The following KIRREL3 variants were observed in gnomAD, a reference collection of about 807,000 sequenced individuals.
KIRREL3 encodes kin of IRRE-like protein 3.
Under a neutral mutation model 89.7 loss-of-function variants are expected in KIRREL3, and 36 were observed. That is an observed-to-expected ratio of 0.40 (90% CI 0.31 to 0.53). The LOEUF is 0.53. Ranked by LOEUF, KIRREL3 falls within the 20% of genes least tolerant of loss-of-function variation. The pLI is 0.49. For missense variants in KIRREL3, 864 were observed against 1,056.6 expected, an observed-to-expected ratio of 0.82 and a Z score of 2.53; for synonymous variants, 445 against 441.4, an observed-to-expected ratio of 1.01 and a Z score of -0.10.
At chr11:126,963,023 C>T (rs924896892) in intron 1 of KIRREL3, among the ~76,000 whole-genome samples, 9 of 152,108 alleles carry the variant, frequency 5.9e-5, no homozygotes, top group South Asian at 2.1e-4. Flanking sequence ...AACTTTTATA[C>T]GCACTGGGAA....
In KIRREL3 at chr11:126,778,710, G is replaced by A. The variant is rs186398868; in HGVS notation, c.56-215798C>T. On this transcript the variant is annotated intron_variant, in intron 1 of 16. Transcript: ENST00000525144. The surrounding 1 kb of genome is among the most constrained non-coding windows in gnomAD (Gnocchi z 4.5). ...AAAGGTGGTACCAACATACATTCCCGCTAGTAATGTTCAGAGAGTGCTATG... is the reference window on the plus strand; with the variant it reads ...AAAGGTGGTACCAACATACATTCCCACTAGTAATGTTCAGAGAGTGCTATG... Among the ~76,000 whole-genome samples, 2 of 152,234 alleles carry A rather than the reference G, an allele frequency of 1.3e-5. No homozygotes were observed. The highest frequency in any genetic ancestry group is 1.9e-4 in the East Asian group (1 of 5,170).
Position 126,652,008 on chromosome 11 carries a change from G to A in KIRREL3, c.56-89096C>T, listed in dbSNP as rs970558172. On this transcript the variant is annotated intron_variant, in intron 1 of 16. Transcript: ENST00000525144. The surrounding 1 kb of genome is among the most constrained non-coding windows in gnomAD (Gnocchi z 4.9). Reference sequence around the variant, plus strand: ...TAAGTCATTATGCCAATGGGAGAATGAGGCAAAAAGCGGAGTTCATCCTTG... The same window carrying A: ...TAAGTCATTATGCCAATGGGAGAATAAGGCAAAAAGCGGAGTTCATCCTTG... Among the ~76,000 whole-genome samples, 2 of 152,154 alleles carry A rather than the reference G, an allele frequency of 1.3e-5. No homozygotes were observed. Among genetic ancestry groups the A allele is most frequent in the Non-Finnish European group, 2.9e-5 (2 of 68,018 alleles).
chr11:126,968,524 C>A (rs1207527728), intron 1 of KIRREL3, among the ~76,000 whole-genome samples: 1 of 152,158 alleles, frequency 6.6e-6, no homozygotes, highest in Non-Finnish European at 1.5e-5. Flanking sequence ...TTCATTGCTG[C>A]CATCAAAGGC....
rs566121266 is a variant in KIRREL3, at chr11:126,653,645, C to T, written c.56-90733G>A. On this transcript the variant is annotated intron_variant, in intron 1 of 16. Coordinates refer to ENST00000525144, the MANE Select transcript of KIRREL3 (RefSeq NM_032531.4). The surrounding 1 kb of genome is among the most constrained non-coding windows in gnomAD (Gnocchi z 5.4). ...TCAAGGTCACACGGACACTCTGACC[C>T]GACTCTCTCCTGGCAGCATTCAATG... Among the ~76,000 whole-genome samples, 9 of 152,240 alleles carry T rather than the reference C, an allele frequency of 5.9e-5. No homozygotes were observed. The South Asian group carries it at 1.7e-3, about 28-fold the overall frequency.
At position 126,430,891 on chromosome 11, in the gene KIRREL3, C is replaced by G; in HGVS notation, c.1696+528G>C. 2.5e-6 allele frequency: 2 copies of G among 793,496 alleles called. No individual in the cohort carries two copies. The highest frequency in any genetic ancestry group is 1.1e-4 in the South Asian group (2 of 18,412). The allele number at this position is 793,496 out of a possible 1,614,324, so 49.2% of individuals were successfully genotyped here. ...TATCTCCTCGGTGCACGCAATTCTT[C>G]AAGCGTGCACAAACACTAGAATTTT... On this transcript the variant is annotated intron_variant, in intron 14 of 16. Transcript: ENST00000525144. This position sits in a 1 kb window ranked among gnomAD's most constrained non-coding sequence, Gnocchi z 6.6.
In KIRREL3 at chr11:126,668,642, G is replaced by A. The variant is rs997726043; in HGVS notation, c.56-105730C>T. 1.3e-4 allele frequency among the ~76,000 whole-genome samples: 20 copies of A among 152,200 alleles called. No homozygotes were observed. Among genetic ancestry groups the A allele is most frequent in the African/African-American group, 4.8e-4 (20 of 41,530 alleles). ...CCCCCCTTCTCGGTTTTCTCAGATA[G>A]CATGCCATTTGCTGTCTCAAATCTA... On this transcript the variant is annotated intron_variant, in intron 1 of 16. Coordinates refer to ENST00000525144, the MANE Select transcript of KIRREL3 (RefSeq NM_032531.4). This position sits in a 1 kb window ranked among gnomAD's most constrained non-coding sequence, Gnocchi z 4.4.
At chr11:126,518,987 G>A (rs935936073) in intron 4 of KIRREL3, among the ~76,000 whole-genome samples, 1 of 152,268 alleles carries the variant, frequency 6.6e-6, no homozygotes, top group Non-Finnish European at 1.5e-5. Flanking sequence ...TGCCTGAAAG[G>A]CTGATGGACA....
intron 1 of KIRREL3, among the ~76,000 whole-genome samples, chr11:126,583,635 A>AG (rs2134675950): frequency 6.6e-6 from 1 of 152,306 alleles, no homozygotes; most frequent in African/African-American, 2.4e-5. Flanking sequence ...CAAGACATTT[A>AG]ACTCCTCTGT....
chr11:126,818,767 G>C, intron 1 of KIRREL3, among the ~76,000 whole-genome samples: 1 of 149,878 alleles, frequency 6.7e-6, no homozygotes, highest in South Asian at 2.2e-4. Context: ...TCTCCCCATT[G>C]TGTAGACTCT....
Position 126,694,312 on chromosome 11 carries a change from A to G in KIRREL3, c.56-131400T>C, listed in dbSNP as rs1190661535. On this transcript the variant is annotated intron_variant, in intron 1 of 16. Transcript: ENST00000525144. The surrounding 1 kb of genome is among the most constrained non-coding windows in gnomAD (Gnocchi z 4.4). ...TTTTATTGCTTATTTATGGGAATCTATTTAAAGTGAATTGCACTTTTCCAT... is the reference window on the plus strand; with the variant it reads ...TTTTATTGCTTATTTATGGGAATCTGTTTAAAGTGAATTGCACTTTTCCAT... Among the ~76,000 whole-genome samples the G allele has an allele frequency of 6.6e-6, 1 of 152,182 alleles. No homozygotes were observed. The highest frequency in any genetic ancestry group is 1.5e-5 in the Non-Finnish European group (1 of 68,036).
At position 126,570,883 on chromosome 11, in the gene KIRREL3, G is replaced by GA. The variant is rs1164704816; in HGVS notation, c.56-7972dup. 6.6e-6 allele frequency among the ~76,000 whole-genome samples: 1 copy of GA among 152,120 alleles called. No homozygotes were observed. Among genetic ancestry groups the GA allele is most frequent in the Non-Finnish European group, 1.5e-5 (1 of 68,010 alleles). The stretch of plus-strand genomic sequence containing the variant: ...GCTTAAGTCTGTACATCTCAGGTGG[G>GA]AAAAAAGACAGCAGTCATTTGCTGA... On this transcript the variant is annotated intron_variant, in intron 1 of 16. Transcript: ENST00000525144. This position sits in a 1 kb window ranked among gnomAD's most constrained non-coding sequence, Gnocchi z 6.1.
rs77878600 is a variant in KIRREL3 at position 126,955,512 on chromosome 11, T to A, written c.55+44943A>T. On this transcript the variant is annotated intron_variant, in intron 1 of 16. Transcript: ENST00000525144. The surrounding 1 kb of genome is among the most constrained non-coding windows in gnomAD (Gnocchi z 4.6). ...ATGGCAAGGCACGAAGGTGGTCTGATGTGGATTCCAGGGTGAAGGTGGTTT... is the reference window on the plus strand; with the variant it reads ...ATGGCAAGGCACGAAGGTGGTCTGAAGTGGATTCCAGGGTGAAGGTGGTTT... Among the ~76,000 whole-genome samples, 597 of 152,304 alleles carry A rather than the reference T, an allele frequency of 3.9e-3. 1 individual carries two copies. The highest frequency in any genetic ancestry group is 6.0e-3 in the Non-Finnish European group (408 of 68,022).
chr11:126,938,051 A>G (rs1401876506), intron 1 of KIRREL3, among the ~76,000 whole-genome samples: 1 of 152,220 alleles, frequency 6.6e-6, no homozygotes, highest in Non-Finnish European at 1.5e-5. Flanking sequence ...GCATCTCCCT[A>G]GAAGCCATGT....
intron 1 of KIRREL3, among the ~76,000 whole-genome samples, chr11:126,882,001 A>T (rs1945523076): frequency 6.6e-6 from 1 of 152,058 alleles, no homozygotes; most frequent in African/African-American, 2.4e-5. Flanking sequence ...GGGTGTGCGT[A>T]TATATGGGTG....
chr11:126,470,406 C>T (rs1234051531), intron 5 of KIRREL3, among the ~76,000 whole-genome samples: 1 of 152,248 alleles, frequency 6.6e-6, no homozygotes, highest in African/African-American at 2.4e-5. Context: ...CCATCCCTCC[C>T]TCCCCCTGGA....
At chr11:126,785,361 T>C (rs1279047147) in intron 1 of KIRREL3, among the ~76,000 whole-genome samples, 3 of 152,216 alleles carry the variant, frequency 2.0e-5, no homozygotes, top group South Asian at 4.1e-4. Flanking sequence ...TGCACCAGTA[T>C]GTTTCTTCCC....
At chr11:126,884,732 G>A (rs990427744) in intron 1 of KIRREL3, among the ~76,000 whole-genome samples, 38 of 151,920 alleles carry the variant, frequency 2.5e-4, no homozygotes, top group African/African-American at 9.2e-4. Context: ...AATGAGATAA[G>A]GAGATTTGCC....
intron 1 of KIRREL3, among the ~76,000 whole-genome samples, chr11:126,975,136 A>G (rs1373364001): frequency 6.6e-6 from 1 of 152,110 alleles, no homozygotes; most frequent in African/African-American, 2.4e-5. Flanking sequence ...ATCTTATAAG[A>G]CCACCGTCAT....
chr11:126,875,826 TA>T lies in KIRREL3; in HGVS notation c.55+124628del, dbSNP rs568001435. 1.7e-3 allele frequency among the ~76,000 whole-genome samples: 257 copies of T among 152,282 alleles called. 2 individuals are homozygous for T. Among genetic ancestry groups the T allele is most frequent in the Middle Eastern group, 0.01 (3 of 294 alleles). On this transcript the variant is annotated intron_variant, in intron 1 of 16. Coordinates refer to ENST00000525144, the MANE Select transcript of KIRREL3 (RefSeq NM_032531.4). ...TATCAAAGAGTTTGTATCTACATAATAAAAATGATCTATAGAATAGTACAGG... is the reference window on the plus strand; with the variant it reads ...TATCAAAGAGTTTGTATCTACATAATAAAATGATCTATAGAATAGTACAGG...
Sources: allele counts gnomAD v4.1 joint callset (sites outside exome capture counted in the v4.1 genomes callset), GRCh38; gene constraint gnomAD v4.1.1; non-coding constraint Gnocchi (gnomAD v3.1); transcripts MANE v1.5; gene names NCBI Gene and HGNC (gene_info 2026-07-23, HGNC 2026-07-21).